The following PARD3 variants were observed in gnomAD, a reference collection of about 807,000 sequenced individuals.
The protein encoded by PARD3 is partitioning defective 3 homolog.
In PARD3, 75 loss-of-function variants were observed where a neutral mutation model predicts 155.4. That is an observed-to-expected ratio of 0.48 (90% confidence interval 0.40 to 0.58). PARD3 has a LOEUF of 0.58. Among genes scored for constraint, PARD3 ranks in the 20% least tolerant of loss-of-function variants. PARD3 has a pLI of 0.00. For missense variants in PARD3, 1,642 were observed against 1,721.7 expected (o/e 0.95, Z 0.82); for synonymous variants, 576 against 610.5 (o/e 0.94, Z 0.83).
chr10:34,393,317 T>C (rs545708461), intron 7 of PARD3, among the ~76,000 whole-genome samples: 42 of 152,184 alleles, frequency 2.8e-4, no homozygotes, highest in Non-Finnish European at 5.6e-4. Flanking sequence ...AGGTGGCTCA[T>C]GCCCGTAATC....
In PARD3 at chr10:34,372,556, A is replaced by T; in HGVS notation, c.1669-20T>A. On this transcript the variant is annotated intron_variant, in intron 11 of 24. Coordinates refer to ENST00000374788, the MANE Select transcript of PARD3 (RefSeq NM_001184785.2). ...TGCATTCTAGAAGAATTGAAGAAAA[A>T]CATAAATACAGACTGACCAAAGCCA... 6.3e-7 allele frequency: 1 copy of T among 1,584,730 alleles called. No homozygotes were observed. The highest frequency in any genetic ancestry group is 8.7e-7 in the Non-Finnish European group (1 of 1,153,548).
chr10:34,575,928 G>C (rs960235962), intron 2 of PARD3, among the ~76,000 whole-genome samples: 7 of 151,410 alleles, frequency 4.6e-5, no homozygotes, highest in African/African-American at 1.5e-4. Context: ...AAGAAAATCA[G>C]GTATTTGAGC....
rs140348880 is a variant in PARD3, at chr10:34,385,173, G to A, written c.891-919C>T. On this transcript the variant is annotated intron_variant, in intron 7 of 24. Coordinates refer to ENST00000374788, the MANE Select transcript of PARD3 (RefSeq NM_001184785.2). ...TTTGAGATGGAGTTTCGTTCTTGTC[G>A]TCCAGGCTGTAGTGCAATAGCATGA... is the stretch of plus-strand genomic sequence containing the variant. 5.9e-5 allele frequency among the ~76,000 whole-genome samples: 9 copies of A among 151,978 alleles called. No individual in the cohort carries two copies. The South Asian group carries it at 8.3e-4, about 14-fold the overall frequency.
At chr10:34,545,192 C>A (rs898960315) in intron 2 of PARD3, among the ~76,000 whole-genome samples, 1 of 152,102 alleles carries the variant, frequency 6.6e-6, no homozygotes. Flanking sequence ...CCTACAAAAC[C>A]CACCTTACCT....
intron 1 of PARD3, among the ~76,000 whole-genome samples, chr10:34,766,029 A>G (rs1838042755): frequency 6.6e-6 from 1 of 152,202 alleles, no homozygotes; most frequent in Admixed American, 6.5e-5. Flanking sequence ...CCACCCCAAT[A>G]GGGAATCTGA....
chr10:34,314,867 GC>G (rs1273399773), intron 20 of PARD3, among the ~76,000 whole-genome samples: 12 of 152,148 alleles, frequency 7.9e-5, no homozygotes, highest in African/African-American at 2.7e-4. Context: ...TTTAATAATG[GC>G]TGTGTTTGAC....
rs1482632459 is a variant in PARD3, at chr10:34,290,582, T to C, written c.3066-6337A>G. Among the ~76,000 whole-genome samples, 4 of 152,332 alleles carry C rather than the reference T, an allele frequency of 2.6e-5. No individual in the cohort carries two copies. In the East Asian group the frequency reaches 7.7e-4, roughly 29 times the overall value. ...ATATCCTCTGCAAATGCCCAACTCC[T>C]GCCCTGGCGTGGTCAATATAGTCAC... On this transcript the variant is annotated intron_variant, in intron 20 of 24. Transcript: ENST00000374788.
intron 3 of PARD3, among the ~76,000 whole-genome samples, chr10:34,480,829 G>C (rs2079038395): frequency 7.5e-6 from 1 of 133,806 alleles, no homozygotes; most frequent in Non-Finnish European, 1.5e-5. Flanking sequence ...TTGAGACGGA[G>C]TCTTGCTCTG....
intron 23 of PARD3, among the ~76,000 whole-genome samples, chr10:34,120,574 C>G (rs990540859): frequency 4.6e-5 from 7 of 152,126 alleles, no homozygotes; most frequent in Admixed American, 4.6e-4. Flanking sequence ...AGCTGATTCC[C>G]TTTCTAGTAC....
At chr10:34,608,734 A>G (rs1486372357) in intron 2 of PARD3, among the ~76,000 whole-genome samples, 1 of 151,998 alleles carries the variant, frequency 6.6e-6, no homozygotes, top group Admixed American at 6.6e-5. Context: ...GGCTTTCTCC[A>G]TGTTGGCCAA....
intron 6 of PARD3, among the ~76,000 whole-genome samples, 178 bp downstream of exon 6, chr10:34,401,648 C>T (rs1387267277): frequency 1.3e-5 from 2 of 152,132 alleles, no homozygotes; most frequent in Non-Finnish European, 2.9e-5. Context: ...TGCTATACTG[C>T]TTACATTACA....
chr10:34,261,150 G>C (rs779870504), intron 22 of PARD3, among the ~76,000 whole-genome samples: 1 of 152,080 alleles, frequency 6.6e-6, no homozygotes, highest in Non-Finnish European at 1.5e-5. Flanking sequence ...ATGCACTCCT[G>C]GTGGCAAATG....
intron 22 of PARD3, among the ~76,000 whole-genome samples, chr10:34,183,661 C>T (rs1340608644): frequency 6.6e-6 from 1 of 152,146 alleles, no homozygotes; most frequent in East Asian, 1.9e-4. Context: ...GGTGGGAGGG[C>T]CAGGTTTTCA....
intron 1 of PARD3, among the ~76,000 whole-genome samples, chr10:34,756,822 C>T (rs755879148): frequency 3.3e-5 from 5 of 152,126 alleles, no homozygotes; most frequent in African/African-American, 4.8e-5. Flanking sequence ...TGCAAAGCTC[C>T]GAGTTCCTGG....
intron 2 of PARD3, among the ~76,000 whole-genome samples, chr10:34,572,859 T>C (rs1382681865): frequency 2.0e-5 from 3 of 152,120 alleles, no homozygotes; most frequent in Non-Finnish European, 4.4e-5. Context: ...TTAAAAGTGA[T>C]AATGCAATTG....
chr10:34,502,866 G>C (rs1489408212), intron 3 of PARD3, among the ~76,000 whole-genome samples: 1 of 152,192 alleles, frequency 6.6e-6, no homozygotes, highest in African/African-American at 2.4e-5. Context: ...GGCAGAGCTG[G>C]TGACTTCTTT....
chr10:34,337,726 G>T (rs1288739276), intron 16 of PARD3, among the ~76,000 whole-genome samples: 2 of 152,112 alleles, frequency 1.3e-5, no homozygotes, highest in African/African-American at 4.8e-5. Context: ...ATTTCAAGAT[G>T]ATCATAAAAA....
At chr10:34,776,980 G>A (rs1378169101) in intron 1 of PARD3, among the ~76,000 whole-genome samples, 1 of 150,652 alleles carries the variant, frequency 6.6e-6, no homozygotes, top group Non-Finnish European at 1.5e-5. Flanking sequence ...GGACTTACAG[G>A]CATGTGCCAC....
chr10:34,210,594 G>A (rs1951698491), intron 22 of PARD3, among the ~76,000 whole-genome samples: 1 of 152,152 alleles, frequency 6.6e-6, no homozygotes, highest in South Asian at 2.1e-4. Flanking sequence ...TCTCCTGATT[G>A]ACATAGTAGA....
Sources: allele counts gnomAD v4.1 joint callset (sites outside exome capture counted in the v4.1 genomes callset), GRCh38; gene constraint gnomAD v4.1.1; transcripts MANE v1.5; gene names NCBI Gene and HGNC (gene_info 2026-07-23, HGNC 2026-07-21).